Variants in DUSP16 observed in about 807,000 individuals in gnomAD.
The protein encoded by DUSP16 is dual specificity phosphatase 16, also known as dual specificity protein phosphatase 16.
Under a neutral mutation model 58.3 loss-of-function variants are expected in DUSP16, and 21 were observed. That is an observed-to-expected ratio of 0.36 (90% CI 0.26 to 0.52). The LOEUF (loss-of-function observed/expected upper bound fraction) is 0.52, where lower values mean the gene tolerates loss of function less well. DUSP16 is among the 20% of genes least tolerant of loss of function. The pLI is 0.94. For missense variants in DUSP16, 726 were observed against 819.0 expected, an observed-to-expected ratio of 0.89 and a Z score of 1.39; for synonymous variants, 320 against 323.8, an observed-to-expected ratio of 0.99 and a Z score of 0.12.
intron 1 of DUSP16, among the ~76,000 whole-genome samples, chr12:12,527,145 G>A (rs949205555): frequency 6.6e-6 from 1 of 152,152 alleles, no homozygotes. Flanking sequence ...ATATAATCAG[G>A]TGAGAAGTTT....
At chr12:12,503,941 G>A (rs1484538083) in intron 3 of DUSP16, among the ~76,000 whole-genome samples, 2 of 152,152 alleles carry the variant, frequency 1.3e-5, no homozygotes, top group Admixed American at 6.5e-5. Flanking sequence ...CAGAACTCCT[G>A]TACTTACAAG....
At chr12:12,509,484 GAAA>G in intron 3 of DUSP16, among the ~76,000 whole-genome samples, 1 of 139,406 alleles carries the variant, frequency 7.2e-6, no homozygotes, top group East Asian at 2.0e-4. Flanking sequence ...TGCGTTTAAA[GAAA>G]AAAAAAAAAC....
chr12:12,554,669 C>G (rs1039034531), intron 1 of DUSP16: 4 of 148,004 alleles, frequency 2.7e-5, no homozygotes, highest in Non-Finnish European at 4.4e-5. Flanking sequence ...CCTGTAAGTA[C>G]ATCCATATGT....
intron 4 of DUSP16, 121 bp from the exon 5 acceptor site, chr12:12,487,308 A>G: frequency 8.8e-7 from 1 of 1,130,770 alleles, no homozygotes; most frequent in African/African-American, 1.6e-5. Flanking sequence ...TAATTCATTC[A>G]GATCAGTGAA....
intron 4 of DUSP16, among the ~76,000 whole-genome samples, chr12:12,490,948 G>C (rs1437909556): frequency 1.3e-5 from 2 of 152,122 alleles, no homozygotes; most frequent in Non-Finnish European, 2.9e-5. Flanking sequence ...AACAAGTCCA[G>C]TGGCCTAAAG....
intron 4 of DUSP16, among the ~76,000 whole-genome samples, 167 bp downstream of exon 4, chr12:12,500,352 C>A (rs994916862): frequency 6.6e-6 from 1 of 152,066 alleles, no homozygotes; most frequent in Non-Finnish European, 1.5e-5. Flanking sequence ...TAACATCAAA[C>A]AAATTAACAC....
Position 12,477,404 on chromosome 12 carries a change from G to A in DUSP16, c.1427C>T (p.Pro476Leu), listed in dbSNP as rs1490482678. 3 of 1,611,452 alleles carry A rather than the reference G, an allele frequency of 1.9e-6. No homozygotes were observed. The highest frequency in any genetic ancestry group is 2.5e-6 in the Non-Finnish European group (3 of 1,178,510). Residue 476 changes from proline (P) to leucine (L), a missense_variant, in exon 7 of 7, where the codon CCT (proline) becomes CTT (leucine). Physicochemically the swap from Pro to Leu is moderately conservative, Grantham distance 98. Coordinates refer to ENST00000298573, the MANE Select transcript of DUSP16 (RefSeq NM_030640.3). The surrounding 1 kb of genome is among the most constrained non-coding windows in gnomAD (Gnocchi z 4.1). Reference sequence around the variant, plus strand: ...CAATCGCTTGCTCTGGCTGTCTGAAGGCCTGGCGGTCTGCAGCTTCTTGGG... The same window carrying A: ...CAATCGCTTGCTCTGGCTGTCTGAAAGCCTGGCGGTCTGCAGCTTCTTGGG... ...SIPKKLQTAR[P>L]SDSQSKRLHS...
chr12:12,494,924 G>A (rs1047093785), intron 4 of DUSP16, among the ~76,000 whole-genome samples: 1 of 151,990 alleles, frequency 6.6e-6, no homozygotes, highest in African/African-American at 2.4e-5. Context: ...TGGTTAGTGT[G>A]GAATCTCAGT....
In DUSP16 at chr12:12,474,391, A is replaced by G. The variant is rs1943375333; in HGVS notation, c.*2442T>C. 2.2e-5 allele frequency: 3 copies of G among 133,554 alleles called. No individual in the cohort carries two copies. Among genetic ancestry groups the G allele is most frequent in the Non-Finnish European group, 5.3e-5 (3 of 56,404 alleles). The allele number at this position is 133,554 out of a possible 1,614,324, so 8.3% of individuals were successfully genotyped here. ...ACAGTCTTTCCATCTAACTTTACAC[A>G]TGTCCTAAATCATTTTCCAGCACTT... On this transcript the variant is annotated 3_prime_UTR_variant, in exon 7 of 7. Coordinates refer to ENST00000298573, the MANE Select transcript of DUSP16 (RefSeq NM_030640.3).
Position 12,476,983 on chromosome 12 carries a change from C to G in DUSP16, c.1848G>C (p.Glu616Asp). 1.2e-6 allele frequency: 2 copies of G among 1,614,242 alleles called. No individual in the cohort carries two copies. The highest frequency in any genetic ancestry group is 1.1e-5 in the South Asian group (1 of 91,084). ...RADSRRSWHE[E>D]SPFEKQFKRR... ...GTTTAAACTGCTTTTCAAAGGGGCT[C>G]TCTTCATGCCAGCTCCGCCGCGAGT... is the stretch of plus-strand genomic sequence containing the variant. Residue 616 changes from glutamate (E) to aspartate (D), a missense_variant, in exon 7 of 7, where the codon GAG becomes GAC. Physicochemically the swap from Glu to Asp is conservative, Grantham distance 45. Transcript: ENST00000298573.
rs1592170457 is a variant in DUSP16 at position 12,489,995 on chromosome 12, T to G, written c.532-2808A>C. 2.0e-5 allele frequency among the ~76,000 whole-genome samples: 3 copies of G among 152,326 alleles called. No homozygotes were observed. The South Asian group carries it at 6.2e-4, about 32-fold the overall frequency. ...AACCACCCTTTGATGTGGGTTCAAT[T>G]ATTGACCTCCTGGGGTCAAGTGATC... On this transcript the variant is annotated intron_variant, in intron 4 of 6. Coordinates refer to ENST00000298573, the MANE Select transcript of DUSP16 (RefSeq NM_030640.3).
chr12:12,500,546 A>G lies in DUSP16; in HGVS notation c.504T>C (p.Leu168=). The change falls in exon 4 of 7, where the codon CTT becomes CTC. Residue 168 remains leucine (L), a synonymous_variant. Coordinates refer to ENST00000298573, the MANE Select transcript of DUSP16 (RefSeq NM_030640.3). ...GPTRILPNLY[L]GCQRDVLNKE... ...TGTTGAGGACATCTCGCTGGCAGCCAAGATAAAGATTGGGAAGAATTCGGG... is the reference window on the plus strand; with the variant it reads ...TGTTGAGGACATCTCGCTGGCAGCCGAGATAAAGATTGGGAAGAATTCGGG... 6.2e-7 allele frequency: 1 copy of G among 1,610,730 alleles called. No individual in the cohort carries two copies. The highest frequency in any genetic ancestry group is 8.5e-7 in the Non-Finnish European group (1 of 1,178,828).
chr12:12,490,663 T>A (rs1055212006), intron 4 of DUSP16, among the ~76,000 whole-genome samples: 2 of 152,266 alleles, frequency 1.3e-5, no homozygotes, highest in East Asian at 3.9e-4. Flanking sequence ...CGTAAGCAAA[T>A]CACACCTAAG....
chr12:12,501,682 A>G (rs573789718), intron 3 of DUSP16, among the ~76,000 whole-genome samples: 3 of 152,306 alleles, frequency 2.0e-5, no homozygotes, highest in East Asian at 1.9e-4. Flanking sequence ...GGATCCTCGT[A>G]TATTTTTAAC....
Position 12,477,131 on chromosome 12 carries a change from T to C in DUSP16, c.1700A>G (p.Tyr567Cys), listed in dbSNP as rs762374205. ...GCCTCCGTAGATGGCTGAGGCAGAG[T>C]AGAAGTGTGAGGACTCTGTGGCAAA... ...WYFATESSHF[Y>C]SASAIYGGSA... Residue 567 changes from tyrosine to cysteine, a missense_variant, in exon 7 of 7, where the codon TAC becomes TGC. Physicochemically the swap from Tyr to Cys is radical, Grantham distance 194. Transcript: ENST00000298573. This position sits in a 1 kb window ranked among gnomAD's most constrained non-coding sequence, Gnocchi z 4.1. The C allele has an allele frequency of 2.2e-5, 36 of 1,613,810 alleles. No individual in the cohort carries two copies. Among genetic ancestry groups the C allele is most frequent in the Non-Finnish European group, 2.8e-5 (33 of 1,180,012 alleles).
At chr12:12,519,178 G>A (rs1297754694) in intron 3 of DUSP16, among the ~76,000 whole-genome samples, 2 of 152,156 alleles carry the variant, frequency 1.3e-5, no homozygotes, top group African/African-American at 4.8e-5. Flanking sequence ...GGAATTTGAT[G>A]GGATTAACTC....
At chr12:12,527,027 G>T (rs1235752888) in intron 1 of DUSP16, among the ~76,000 whole-genome samples, 1 of 152,166 alleles carries the variant, frequency 6.6e-6, no homozygotes, top group African/African-American at 2.4e-5. Context: ...GAAAGGAAAA[G>T]GATCCCATAG....
intron 1 of DUSP16, among the ~76,000 whole-genome samples, chr12:12,550,341 C>T (rs1406678310): frequency 1.3e-5 from 2 of 151,764 alleles, no homozygotes; most frequent in African/African-American, 2.4e-5. Flanking sequence ...TAGTTTACAC[C>T]AGCAGTTTTC....
At chr12:12,532,371 G>T (rs74561565) in intron 1 of DUSP16, among the ~76,000 whole-genome samples, 1 of 151,984 alleles carries the variant, frequency 6.6e-6, no homozygotes, top group South Asian at 2.1e-4. Flanking sequence ...GCCAAGGATG[G>T]TCATGATATA....
Sources: gnomAD v4.1 joint callset for allele counts (sites outside exome capture counted in the v4.1 genomes callset) on GRCh38, gnomAD v4.1.1 for gene constraint, Gnocchi (gnomAD v3.1) non-coding constraint, MANE v1.5 for transcripts, NCBI Gene and HGNC (gene_info 2026-07-23, HGNC 2026-07-21) for gene names.